Variants in SUCLA2 observed in about 807,000 individuals in gnomAD.
SUCLA2 encodes the protein succinate-CoA ligase ADP-forming subunit beta, also known as succinate--CoA ligase [ADP-forming] subunit beta, mitochondrial.
Under a neutral mutation model 54.8 loss-of-function variants are expected in SUCLA2, and 30 were observed. That is an observed-to-expected ratio of 0.55 (90% CI 0.41 to 0.74). The LOEUF (loss-of-function observed/expected upper bound fraction) is 0.74. SUCLA2 is among the 30% of genes least tolerant of loss of function. The probability of loss-of-function intolerance (pLI) is 0.00; values close to 1 mark genes in which losing one functional copy is unlikely to be tolerated. For synonymous variants in SUCLA2, 172 were observed against 188.9 expected (o/e 0.91, Z 0.74); for missense variants, 476 against 562.9 (o/e 0.85, Z 1.56).
At chr13:47,982,726 C>A (rs995956979) in intron 4 of SUCLA2, among the ~76,000 whole-genome samples, 38 of 145,684 alleles carry the variant, frequency 2.6e-4, no homozygotes, top group Non-Finnish European at 4.9e-4. Context: ...AAAAAAAAAT[C>A]TCTGAACACC....
At chr13:47,947,298 CA>C in intron 10 of SUCLA2, among the ~76,000 whole-genome samples, 2 of 150,502 alleles carry the variant, frequency 1.3e-5, no homozygotes, top group South Asian at 2.1e-4. Context: ...CACACACACA[CA>C]CCTGAAAACA....
rs528226479 is a variant in SUCLA2 at position 47,975,095 on chromosome 13, GAA to G, written c.535-1705_535-1704del. The stretch of plus-strand genomic sequence containing the variant: ...AATGAACATACTACTCTTACATCCA[GAA>G]AAAAAAACAGGCATGACAACTTTTT... On this transcript the variant is annotated intron_variant, in intron 4 of 10. Transcript: ENST00000646932. Among the ~76,000 whole-genome samples, 3 of 142,414 alleles carry G rather than the reference GAA, an allele frequency of 2.1e-5. No individual in the cohort carries two copies. In the East Asian group the frequency reaches 6.0e-4, roughly 29 times the overall value. 93.4% of individuals were successfully genotyped at this position (142,414 alleles called of 152,430 possible).
chr13:47,988,874 T>A lies in SUCLA2; in HGVS notation c.371+8A>T, dbSNP rs774341032. On this transcript the variant is annotated splice_region_variant and intron_variant, in intron 3 of 10. Coordinates refer to ENST00000646932, the MANE Select transcript of SUCLA2 (RefSeq NM_003850.3). ...AAGGATGATTTTTCCTTAAAAAATG[T>A]GACTTACGAGAAAACTATCTTCACT... is the stretch of plus-strand genomic sequence containing the variant. 6.2e-7 allele frequency: 1 copy of A among 1,611,684 alleles called. No individual in the cohort carries two copies. Among genetic ancestry groups the A allele is most frequent in the South Asian group, 1.1e-5 (1 of 90,998 alleles).
chr13:47,976,253 A>G (rs1353758400), intron 4 of SUCLA2, among the ~76,000 whole-genome samples: 1 of 152,196 alleles, frequency 6.6e-6, no homozygotes, highest in Admixed American at 6.5e-5. Flanking sequence ...ACCTTTTATG[A>G]CAATGACAGT....
intron 6 of SUCLA2, among the ~76,000 whole-genome samples, chr13:47,959,702 G>T (rs1360894373): frequency 6.6e-6 from 1 of 152,204 alleles, no homozygotes; most frequent in Non-Finnish European, 1.5e-5. Context: ...AGAGAAAACA[G>T]AACACAGAAG....
rs1949697693 is a variant in SUCLA2, at chr13:47,942,988, C to T, written c.*383G>A. ...TTAATATACTGCTCTACTAATGAGGCTAGTTATTAGATATACTGTATTTTA... is the reference window on the plus strand; with the variant it reads ...TTAATATACTGCTCTACTAATGAGGTTAGTTATTAGATATACTGTATTTTA... On this transcript the variant is annotated 3_prime_UTR_variant, in exon 11 of 11. Coordinates refer to ENST00000646932, the MANE Select transcript of SUCLA2 (RefSeq NM_003850.3). 4.6e-6 allele frequency: 1 copy of T among 216,172 alleles called. No individual in the cohort carries two copies. Among genetic ancestry groups the T allele is most frequent in the African/African-American group, 2.3e-5 (1 of 42,792 alleles). 13.4% of individuals were successfully genotyped at this position (216,172 alleles called of 1,614,324 possible).
intron 8 of SUCLA2, among the ~76,000 whole-genome samples, chr13:47,950,002 A>G (rs1037938682): frequency 6.6e-6 from 1 of 152,224 alleles, no homozygotes; most frequent in African/African-American, 2.4e-5. Flanking sequence ...TTATCCCTGT[A>G]GGAAAAGGGC....
intron 6 of SUCLA2, among the ~76,000 whole-genome samples, chr13:47,962,122 T>A (rs1279850479): frequency 6.6e-6 from 1 of 152,170 alleles, no homozygotes; most frequent in Non-Finnish European, 1.5e-5. Context: ...GAAATATTGA[T>A]GATTCTTTTG....
chr13:47,970,842 A>G (rs1435530155), intron 5 of SUCLA2, among the ~76,000 whole-genome samples: 1 of 151,964 alleles, frequency 6.6e-6, no homozygotes, highest in Non-Finnish European at 1.5e-5. Context: ...TCTGGGCAAC[A>G]GAGCAAGACT....
intron 5 of SUCLA2, 143 bp downstream of exon 5, chr13:47,973,121 T>G (rs1949982093): frequency 1.4e-6 from 1 of 694,954 alleles, no homozygotes; most frequent in African/African-American, 1.8e-5. Context: ...AATTCCAAAA[T>G]GAGCTATTTC....
rs200232732 is a variant in SUCLA2, at chr13:47,943,377, T to C, written c.1386A>G (p.Pro462=). The change falls in exon 11 of 11, where the codon CCA becomes CCG. Residue 462 remains proline (P), a synonymous_variant. Coordinates refer to ENST00000646932, the MANE Select transcript of SUCLA2 (RefSeq NM_003850.3). Reference sequence around the variant, plus strand: ...CATCCACTGGGTTTTCAGATCATATTGGCAACTGAAATTTCACATCCACAT... The same window carrying C: ...CATCCACTGGGTTTTCAGATCATATCGGCAACTGAAATTTCACATCCACAT... The part of the protein sequence containing the change: ...QAHVDVKFQL[P]I The C allele has an allele frequency of 4.3e-6, 7 of 1,613,854 alleles. No individual in the cohort carries two copies. The East Asian group carries it at 1.3e-4, about 31-fold the overall frequency.
chr13:47,942,877 T>C lies in SUCLA2; in HGVS notation c.*494A>G, dbSNP rs1423188476. 6.4e-6 allele frequency: 1 copy of C among 156,802 alleles called. No individual in the cohort carries two copies. Among genetic ancestry groups the C allele is most frequent in the Non-Finnish European group, 1.4e-5 (1 of 70,580 alleles). The allele number at this position is 156,802 out of a possible 1,614,324, so 9.7% of individuals were successfully genotyped here. The stretch of plus-strand genomic sequence containing the variant: ...CTTAGAAGAATATTCTGAGGAGTGT[T>C]TGAAAGCTCTGTTTATAAATAGTGA... On this transcript the variant is annotated 3_prime_UTR_variant, in exon 11 of 11. Coordinates refer to ENST00000646932, the MANE Select transcript of SUCLA2 (RefSeq NM_003850.3).
intron 6 of SUCLA2, among the ~76,000 whole-genome samples, chr13:47,957,890 A>T (rs115167418): frequency 1.3e-3 from 192 of 152,184 alleles, no homozygotes; most frequent in African/African-American, 4.2e-3. Context: ...GTCAGTTTGG[A>T]CACTTTTGGG....
chr13:47,986,898 T>C (rs61972255), intron 4 of SUCLA2, among the ~76,000 whole-genome samples: 2,138 of 152,316 alleles, frequency 0.014, 25 homozygotes, highest in South Asian at 0.036. Flanking sequence ...GTAGTTTAAA[T>C]AGGTGACTAA....
intron 4 of SUCLA2, among the ~76,000 whole-genome samples, chr13:47,979,263 G>A (rs1357224365): frequency 6.6e-6 from 1 of 152,152 alleles, no homozygotes; most frequent in African/African-American, 2.4e-5. Flanking sequence ...TGATAGACGG[G>A]ATAAAGAAAA....
chr13:47,959,503 GGGA>G (rs71099649), intron 6 of SUCLA2, among the ~76,000 whole-genome samples: 5,733 of 18,506 alleles, frequency 0.31, 322 homozygotes, highest in East Asian at 0.54. Context: ...GGGGAGCGGG[GGGA>G]GGAGGAGGAG....
intron 6 of SUCLA2, among the ~76,000 whole-genome samples, chr13:47,962,638 A>C (rs1593484597): frequency 6.6e-6 from 1 of 152,172 alleles, no homozygotes; most frequent in Admixed American, 6.5e-5. Flanking sequence ...CTATTAGATG[A>C]AACTTTGATT....
chr13:47,943,762 G>GTATATA (rs1419922780), intron 10 of SUCLA2, among the ~76,000 whole-genome samples: 12 of 133,344 alleles, frequency 9.0e-5, no homozygotes, highest in Middle Eastern at 3.9e-3. Flanking sequence ...GTGTGTGTGT[G>GTATATA]TGTGTATATA....
intron 6 of SUCLA2, among the ~76,000 whole-genome samples, chr13:47,959,490 G>A (rs1404052955): frequency 3.7e-5 from 3 of 82,112 alleles, no homozygotes; most frequent in Non-Finnish European, 5.4e-5. Context: ...GAGGAGGGGG[G>A]AAGGGGAGCG....
Sources: gnomAD v4.1 joint callset for allele counts (sites outside exome capture counted in the v4.1 genomes callset) on GRCh38, gnomAD v4.1.1 for gene constraint, MANE v1.5 for transcripts, NCBI Gene and HGNC (gene_info 2026-07-23, HGNC 2026-07-21) for gene names.